Variants in SNX10 observed in about 807,000 individuals in gnomAD.
SNX10 encodes the protein sorting nexin-10.
Under a neutral mutation model 28.5 loss-of-function variants are expected in SNX10, and 25 were observed. The ratio of observed to expected loss-of-function variants is 0.88; its 90% confidence interval spans 0.64 to 1.22. SNX10 has a LOEUF of 1.22. SNX10 is among the 50% of genes most tolerant of loss of function. The pLI is 0.00. For missense variants in SNX10, 223 were observed against 242.6 expected, an observed-to-expected ratio of 0.92 and a Z score of 0.54; for synonymous variants, 62 against 81.4, an observed-to-expected ratio of 0.76 and a Z score of 1.28.
intron 1 of SNX10, among the ~76,000 whole-genome samples, chr7:26,303,064 C>T (rs1341399799): frequency 6.6e-6 from 1 of 152,204 alleles, no homozygotes; most frequent in Non-Finnish European, 1.5e-5. Context: ...TAAGAATCCT[C>T]CTCAGCTAAA....
At chr7:26,351,353 G>A (rs1161986531) in intron 2 of SNX10, among the ~76,000 whole-genome samples, 1 of 152,234 alleles carries the variant, frequency 6.6e-6, no homozygotes, top group Non-Finnish European at 1.5e-5. Flanking sequence ...ATGTGGAAGT[G>A]ATATCACCTG....
intron 1 of SNX10, among the ~76,000 whole-genome samples, chr7:26,309,665 G>A (rs759303489): frequency 5.3e-5 from 8 of 152,196 alleles, no homozygotes; most frequent in East Asian, 1.9e-4. Flanking sequence ...CATTTGAGCC[G>A]TTAGTAACTC....
intron 1 of SNX10, among the ~76,000 whole-genome samples, chr7:26,328,038 C>A (rs901828618): frequency 1.5e-4 from 23 of 152,036 alleles, no homozygotes; most frequent in Non-Finnish European, 2.9e-4. Flanking sequence ...CATTCTTTTT[C>A]TTGTTTATTC....
chr7:26,359,812 C>T (rs75386557), intron 2 of SNX10, among the ~76,000 whole-genome samples: 5,060 of 152,040 alleles, frequency 0.033, 239 homozygotes, highest in African/African-American at 0.1. Flanking sequence ...CACACGCCAC[C>T]ACGCCCAGCT....
intron 1 of SNX10, among the ~76,000 whole-genome samples, chr7:26,299,641 G>C (rs1035474727): frequency 6.6e-6 from 1 of 151,870 alleles, no homozygotes; most frequent in Non-Finnish European, 1.5e-5. Flanking sequence ...GTGTTGGCTG[G>C]TCTCGAACTC....
intron 5 of SNX10, 63 bp downstream of exon 5, chr7:26,365,208 C>G: frequency 1.0e-6 from 1 of 953,796 alleles, no homozygotes; most frequent in Non-Finnish European, 1.7e-6. Context: ...ACAAGAGCTG[C>G]ATGGTGGTGT....
At chr7:26,297,283 A>T (rs1010336871) in intron 1 of SNX10, among the ~76,000 whole-genome samples, 1 of 152,140 alleles carries the variant, frequency 6.6e-6, no homozygotes, top group African/African-American at 2.4e-5. Context: ...TTTAGTAGAG[A>T]CAGGGTTTCA....
chr7:26,356,951 A>G lies in SNX10; in HGVS notation c.25-4024A>G, dbSNP rs1584163408. The stretch of plus-strand genomic sequence containing the variant: ...CAAGAACCCAAGTAGATGAGGTTTT[A>G]ATTTCAAGTGAAGTTTGATTTTCCT... On this transcript the variant is annotated intron_variant, in intron 2 of 6. Coordinates refer to ENST00000338523, the MANE Select transcript of SNX10 (RefSeq NM_013322.3). The G allele has an allele frequency of 6.3e-6, 3 of 473,132 alleles. No homozygotes were observed. In the East Asian group the frequency reaches 2.7e-4, roughly 43 times the overall value. The allele number at this position is 473,132 out of a possible 1,614,324, so 29.3% of individuals were successfully genotyped here. A position where few individuals can be genotyped will look rare whatever the true frequency, so the allele number is the denominator to read the frequency against.
rs1014244065 is a variant in SNX10, at chr7:26,371,986, A to T, written c.477A>T (p.Glu159Asp). The part of the protein sequence containing the change: ...FALMNRRFPE[E>D]DEEGKKENDI... Reference sequence around the variant, plus strand: ...TAATGAATAGACGTTTCCCTGAAGAAGATGAAGAAGGAAAAAAAGAAAATG... The same window carrying T: ...TAATGAATAGACGTTTCCCTGAAGATGATGAAGAAGGAAAAAAAGAAAATG... Residue 159 changes from glutamate to aspartate, a missense_variant, in exon 6 of 7, where the codon GAA becomes GAT. Physicochemically the swap from Glu to Asp is conservative, Grantham distance 45. Transcript: ENST00000338523. The T allele has an allele frequency of 1.2e-6, 2 of 1,613,276 alleles. No homozygotes were observed. The highest frequency in any genetic ancestry group is 1.7e-6 in the Non-Finnish European group (2 of 1,179,380).
intron 1 of SNX10, among the ~76,000 whole-genome samples, chr7:26,328,939 C>T (rs1787615739): frequency 6.6e-6 from 1 of 152,192 alleles, no homozygotes; most frequent in African/African-American, 2.4e-5. Flanking sequence ...GCCAATACCT[C>T]CTTCCCCTTG....
At chr7:26,358,042 G>A (rs546189027) in intron 2 of SNX10, among the ~76,000 whole-genome samples, 1 of 152,282 alleles carries the variant, frequency 6.6e-6, no homozygotes, top group African/African-American at 2.4e-5. Context: ...TGGCTCTCAG[G>A]CACAGAAACG....
At chr7:26,292,689 C>T (rs569112385) in intron 1 of SNX10, among the ~76,000 whole-genome samples, 1 of 152,210 alleles carries the variant, frequency 6.6e-6, no homozygotes, top group African/African-American at 2.4e-5. Flanking sequence ...GGGATCGTCA[C>T]GGAATGGGGA....
chr7:26,333,322 C>CTTTT (rs10636369), intron 1 of SNX10, among the ~76,000 whole-genome samples: 80 of 113,670 alleles, frequency 7.0e-4, no homozygotes, highest in South Asian at 9.6e-4. Flanking sequence ...GTATTTTATT[C>CTTTT]TTTTTTTTTT....
At chr7:26,342,137 C>T (rs897940319) in intron 1 of SNX10, among the ~76,000 whole-genome samples, 3 of 151,554 alleles carry the variant, frequency 2.0e-5, no homozygotes, top group Non-Finnish European at 4.4e-5. Flanking sequence ...AGTGATTCTC[C>T]TGCCTCAGCC....
At chr7:26,305,729 T>G (rs1407210139) in intron 1 of SNX10, among the ~76,000 whole-genome samples, 1 of 152,212 alleles carries the variant, frequency 6.6e-6, no homozygotes, top group African/African-American at 2.4e-5. Context: ...GCTTCACTAG[T>G]GGTTGGGAAA....
chr7:26,351,832 A>G (rs1788619637), intron 2 of SNX10, among the ~76,000 whole-genome samples: 1 of 150,512 alleles, frequency 6.6e-6, no homozygotes. Context: ...AATTTTTTGT[A>G]TTTTTAGTAG....
In SNX10 at chr7:26,327,895, A is replaced by AT. The variant is rs1025008986; in HGVS notation, c.-23-18515dup. Among the ~76,000 whole-genome samples the AT allele has an allele frequency of 3.1e-3, 447 of 145,626 alleles. 5 individuals are homozygous for AT. Among genetic ancestry groups the AT allele is most frequent in the East Asian group, 0.026 (132 of 4,982 alleles). On this transcript the variant is annotated intron_variant, in intron 1 of 6. Transcript: ENST00000338523. ...CAGGTGCCTGCCACCACACCCAGCT[A>AT]TTTTTTTTTTGTATTTTTAGTAGAG...
intron 2 of SNX10, among the ~76,000 whole-genome samples, chr7:26,347,204 A>G (rs1418914786): frequency 6.6e-6 from 1 of 152,118 alleles, no homozygotes; most frequent in Non-Finnish European, 1.5e-5. Context: ...AAAGCATGAA[A>G]CCATTTATTT....
intron 1 of SNX10, among the ~76,000 whole-genome samples, chr7:26,314,706 G>C (rs1277889782): frequency 6.6e-6 from 1 of 151,978 alleles, no homozygotes; most frequent in Admixed American, 6.6e-5. Flanking sequence ...AGTATTTTAA[G>C]AAAAAAGAAC....
Sources: allele counts gnomAD v4.1 joint callset (sites outside exome capture counted in the v4.1 genomes callset), GRCh38; gene constraint gnomAD v4.1.1; transcripts MANE v1.5; gene names NCBI Gene and HGNC (gene_info 2026-07-23, HGNC 2026-07-21).